The following APOLD1 variants were observed in gnomAD, a reference collection of about 807,000 sequenced individuals.
The protein encoded by APOLD1 is apolipoprotein L domain-containing protein 1.
APOLD1 carries 22 observed loss-of-function variants against 15.3 expected under a neutral mutation model. The ratio of observed to expected loss-of-function variants is 1.44; its 90% CI spans 1.03 to 2.05. APOLD1 has a LOEUF of 2.05. Ranked by LOEUF, APOLD1 falls within the 30% of genes most tolerant of loss-of-function variation. The pLI, the probability that APOLD1 is intolerant of heterozygous loss-of-function variation, is 0.00. For missense variants in APOLD1, 394 were observed against 353.5 expected, an observed-to-expected ratio of 1.11 and a Z score of -0.92; for synonymous variants, 190 against 167.4, an observed-to-expected ratio of 1.13 and a Z score of -1.04.
intron 1 of APOLD1, among the ~76,000 whole-genome samples, chr12:12,756,094 A>C (rs1373945106): frequency 2.6e-5 from 4 of 152,234 alleles, no homozygotes; most frequent in African/African-American, 9.6e-5. Context: ...GAGTGGAGAG[A>C]AGTGAAAAGA....
At chr12:12,735,756 A>G (rs998993388) in intron 1 of APOLD1, among the ~76,000 whole-genome samples, 1 of 151,544 alleles carries the variant, frequency 6.6e-6, no homozygotes, top group Non-Finnish European at 1.5e-5. Flanking sequence ...TGCCTGGACA[A>G]TGTGAGGCCT....
intron 1 of APOLD1, among the ~76,000 whole-genome samples, chr12:12,732,170 A>G (rs894612320): frequency 8.5e-5 from 13 of 152,198 alleles, no homozygotes; most frequent in Admixed American, 3.9e-4. Flanking sequence ...AGTTGATTAC[A>G]TGATAAACAT....
At chr12:12,762,080 A>G (rs1277652128) in intron 1 of APOLD1, among the ~76,000 whole-genome samples, 1 of 152,084 alleles carries the variant, frequency 6.6e-6, no homozygotes, top group East Asian at 1.9e-4. Flanking sequence ...TTTTTAAGGA[A>G]GAGTTTACTT....
chr12:12,732,741 A>G (rs1282785217), intron 1 of APOLD1, among the ~76,000 whole-genome samples: 2 of 151,790 alleles, frequency 1.3e-5, no homozygotes, highest in East Asian at 1.9e-4. Context: ...AAAAAAAAAA[A>G]AAAAGAAAAG....
At chr12:12,739,630 C>T (rs923812746) in intron 1 of APOLD1, among the ~76,000 whole-genome samples, 4 of 152,170 alleles carry the variant, frequency 2.6e-5, no homozygotes, top group Non-Finnish European at 5.9e-5. Flanking sequence ...CATATAATCA[C>T]ATTGAGTAAT....
At chr12:12,786,435 C>T (rs893667743) in intron 1 of APOLD1, among the ~76,000 whole-genome samples, 1 of 152,006 alleles carries the variant, frequency 6.6e-6, no homozygotes, top group Non-Finnish European at 1.5e-5. Flanking sequence ...CTTTTTCATT[C>T]ATTAGAGAGA....
chr12:12,774,030 G>C (rs1057137197), intron 1 of APOLD1, among the ~76,000 whole-genome samples: 18 of 152,014 alleles, frequency 1.2e-4, no homozygotes, highest in African/African-American at 3.6e-4. Flanking sequence ...CCCTGGACTT[G>C]GTGATTACTT....
rs939733110 is a variant in APOLD1, at chr12:12,749,336, C to T, written c.96+23240C>T. On this transcript the variant is annotated intron_variant, in intron 1 of 1. Coordinates refer to the APOLD1 transcript ENST00000326765. ...GAGAATAGGGTCTGGAAACAGGGAA[C>T]CTAAGGTCATTTCACGCTAACTTTC... Among the ~76,000 whole-genome samples the T allele has an allele frequency of 3.9e-5, 6 of 152,004 alleles. No individual in the cohort carries two copies. In the East Asian group the frequency reaches 9.6e-4, roughly 24 times the overall value.
chr12:12,754,067 T>A (rs1382940770), intron 1 of APOLD1, among the ~76,000 whole-genome samples: 1 of 150,670 alleles, frequency 6.6e-6, no homozygotes, highest in Non-Finnish European at 1.5e-5. Flanking sequence ...ATACAAAAAT[T>A]AACTGGGCGC....
At chr12:12,766,871 C>G (rs1565433985) in intron 1 of APOLD1, among the ~76,000 whole-genome samples, 1 of 151,898 alleles carries the variant, frequency 6.6e-6, no homozygotes. Context: ...CAAACTAAAA[C>G]AACAAAACAA....
intron 1 of APOLD1, among the ~76,000 whole-genome samples, chr12:12,742,027 A>G (rs566258668): frequency 6.6e-6 from 1 of 152,316 alleles, no homozygotes; most frequent in Non-Finnish European, 1.5e-5. Flanking sequence ...TGGTAATTAA[A>G]TATTTCTGGC....
At chr12:12,782,684 C>CA (rs752522726), upstream of APOLD1, among the ~76,000 whole-genome samples, 1 of 151,836 alleles carries the variant, frequency 6.6e-6, no homozygotes, top group Non-Finnish European at 1.5e-5. Flanking sequence ...CAAAACAAAA[C>CA]AAAAAAAGAG....
chr12:12,732,976 T>C (rs1032666086), intron 1 of APOLD1, among the ~76,000 whole-genome samples: 39 of 152,068 alleles, frequency 2.6e-4, no homozygotes, highest in African/African-American at 9.2e-4. Context: ...AGGGTACAAA[T>C]TATAGCCATT....
intron 1 of APOLD1, among the ~76,000 whole-genome samples, chr12:12,775,150 G>A (rs1947021916): frequency 6.6e-6 from 1 of 152,208 alleles, no homozygotes; most frequent in Non-Finnish European, 1.5e-5. Flanking sequence ...ACGAAAAGAT[G>A]TGGAGGAAAT....
chr12:12,738,340 C>G (rs1226020808), intron 1 of APOLD1, among the ~76,000 whole-genome samples: 3 of 151,494 alleles, frequency 2.0e-5, no homozygotes, highest in Non-Finnish European at 2.9e-5. Flanking sequence ...TCCTGAGTAG[C>G]TGGGACTGCA....
At chr12:12,759,126 G>A (rs1233240532) in intron 1 of APOLD1, among the ~76,000 whole-genome samples, 1 of 152,130 alleles carries the variant, frequency 6.6e-6, no homozygotes, top group Admixed American at 6.5e-5. Flanking sequence ...TACTCAAATG[G>A]CATGCAATTT....
intron 1 of APOLD1, among the ~76,000 whole-genome samples, chr12:12,767,243 C>T (rs1351205648): frequency 6.6e-6 from 1 of 151,732 alleles, no homozygotes; most frequent in East Asian, 1.9e-4. Context: ...AAGATTCCGT[C>T]TCCACAAAAT....
chr12:12,759,304 G>A (rs907741971), intron 1 of APOLD1, among the ~76,000 whole-genome samples: 1 of 152,008 alleles, frequency 6.6e-6, no homozygotes, highest in Non-Finnish European at 1.5e-5. Context: ...TCTTTGAAGG[G>A]TTTCATTCTA....
intron 1 of APOLD1, among the ~76,000 whole-genome samples, chr12:12,758,576 C>T (rs1248691355): frequency 2.6e-5 from 4 of 152,076 alleles, no homozygotes; most frequent in East Asian, 3.9e-4. Context: ...AACAAAAACT[C>T]GGTAAACAAA....
Sources: gnomAD v4.1 joint callset for allele counts (sites outside exome capture counted in the v4.1 genomes callset) on GRCh38, gnomAD v4.1.1 for gene constraint, MANE v1.5 for transcripts, NCBI Gene and HGNC (gene_info 2026-07-23, HGNC 2026-07-21) for gene names.